The following GRIN2B variants were observed in gnomAD, a reference collection of about 807,000 sequenced individuals.
GRIN2B encodes the protein glutamate receptor ionotropic, NMDA 2B.
GRIN2B carries 5 observed loss-of-function variants against 114.5 expected under a neutral mutation model. That is an observed-to-expected ratio of 0.04 (90% CI 0.02 to 0.09). The LOEUF (loss-of-function observed/expected upper bound fraction) is 0.09, where lower values mean the gene tolerates loss of function less well. Among genes scored for constraint, GRIN2B ranks in the 10% least tolerant of loss-of-function variants. GRIN2B has a pLI of 1.00. For synonymous variants in GRIN2B, 787 were observed against 745.1 expected (o/e 1.06, Z -0.92); for missense variants, 1,108 against 1,943.5 (o/e 0.57, Z 8.08).
At chr12:13,698,802 G>A (rs1950284685) in intron 4 of GRIN2B, among the ~76,000 whole-genome samples, 1 of 151,930 alleles carries the variant, frequency 6.6e-6, no homozygotes, top group Non-Finnish European at 1.5e-5. Flanking sequence ...CCTGCCTCAG[G>A]CTCCTGAGCA....
At chr12:13,909,901 G>A in intron 2 of GRIN2B, among the ~76,000 whole-genome samples, 1 of 152,220 alleles carries the variant, frequency 6.6e-6, no homozygotes, top group South Asian at 2.1e-4. Flanking sequence ...CTAAAGACAG[G>A]TCATCAGAGA....
chr12:13,930,553 T>C (rs1004039692), intron 2 of GRIN2B, among the ~76,000 whole-genome samples: 5 of 152,324 alleles, frequency 3.3e-5, no homozygotes, highest in African/African-American at 9.6e-5. Flanking sequence ...TTCCCACCAT[T>C]AATCTGTGTT....
chr12:13,757,603 G>A (rs1271656030), intron 3 of GRIN2B, among the ~76,000 whole-genome samples: 1 of 152,188 alleles, frequency 6.6e-6, no homozygotes, highest in African/African-American at 2.4e-5. Flanking sequence ...GGTCCTTGGA[G>A]CAGTCTCCTC....
intron 3 of GRIN2B, among the ~76,000 whole-genome samples, chr12:13,779,865 A>G (rs1277733999): frequency 2.0e-5 from 3 of 152,230 alleles, no homozygotes; most frequent in Admixed American, 6.5e-5. Context: ...GGTAATAATG[A>G]TAGAACACAC....
chr12:13,687,506 T>C (rs1274277598), intron 4 of GRIN2B, among the ~76,000 whole-genome samples: 1 of 152,110 alleles, frequency 6.6e-6, no homozygotes, highest in Non-Finnish European at 1.5e-5. Context: ...CATGCCAAGG[T>C]CTCCAAAATC....
chr12:13,916,735 A>ACACACAAATGTGTGTG (rs59238170), intron 2 of GRIN2B, among the ~76,000 whole-genome samples: 79 of 101,928 alleles, frequency 7.8e-4, no homozygotes, highest in African/African-American at 2.4e-3. Context: ...ACACACACAC[A>ACACACAAATGTGTGTG]TTTGTGTGTG....
chr12:13,753,256 C>A lies in GRIN2B; in HGVS notation c.1010+61G>T. 9.9e-7 allele frequency: 1 copy of A among 1,008,704 alleles called. No homozygotes were observed. Among genetic ancestry groups the A allele is most frequent in the South Asian group, 1.3e-5 (1 of 79,034 alleles). 62.5% of individuals were successfully genotyped at this position (1,008,704 alleles called of 1,614,324 possible). A position where few individuals can be genotyped will look rare whatever the true frequency, so the allele number is the denominator to read the frequency against. On this transcript the variant is annotated intron_variant, in intron 4 of 13. Coordinates refer to ENST00000609686, the MANE Select transcript of GRIN2B (RefSeq NM_000834.5). This position sits in a 1 kb window ranked among gnomAD's most constrained non-coding sequence, Gnocchi z 6.2. The stretch of plus-strand genomic sequence containing the variant: ...TTCCTGCAGTTTCTGAACTTCCAAC[C>A]CCAGTCTTTGAAGCTCCCCTCTCAT...
At chr12:13,901,437 A>G (rs148955176) in intron 2 of GRIN2B, among the ~76,000 whole-genome samples, 2 of 152,250 alleles carry the variant, frequency 1.3e-5, no homozygotes, top group African/African-American at 4.8e-5. Context: ...TATTTTGGAT[A>G]TATATTTCTT....
intron 2 of GRIN2B, among the ~76,000 whole-genome samples, chr12:13,913,333 G>T (rs115964035): frequency 0.012 from 1,895 of 152,210 alleles, 43 homozygotes; most frequent in African/African-American, 0.044. Context: ...GACACTTGTG[G>T]AATGGCTGAC....
chr12:13,586,327 G>T (rs1948925048), intron 10 of GRIN2B, among the ~76,000 whole-genome samples: 1 of 152,122 alleles, frequency 6.6e-6, no homozygotes, highest in Non-Finnish European at 1.5e-5. Flanking sequence ...CTTTATATAA[G>T]CTTTCTTTGT....
At chr12:13,890,302 C>T (rs528680097) in intron 2 of GRIN2B, among the ~76,000 whole-genome samples, 4 of 152,308 alleles carry the variant, frequency 2.6e-5, no homozygotes, top group African/African-American at 9.6e-5. Flanking sequence ...GAAGTCTGCC[C>T]ACCTATCTAC....
intron 2 of GRIN2B, among the ~76,000 whole-genome samples, chr12:13,872,453 TCAA>T (rs1865926840): frequency 1.2e-5 from 1 of 83,252 alleles, no homozygotes; most frequent in African/African-American, 4.2e-5. Context: ...AGGCTCCGAC[TCAA>T]AAAAAAAAAA....
In GRIN2B at chr12:13,816,603, A is replaced by G. The variant is rs1018226961; in HGVS notation, c.411+49195T>C. 3.2e-4 allele frequency among the ~76,000 whole-genome samples: 49 copies of G among 152,232 alleles called. 1 individual carries two copies. Among genetic ancestry groups the G allele is most frequent in the African/African-American group, 1.0e-3 (43 of 41,538 alleles). Reference sequence around the variant, plus strand: ...CTGGTTTCCATAGCACTGCCATGGAAACAGCTCTCTGTGACTCTGTGCCTC... The same window carrying G: ...CTGGTTTCCATAGCACTGCCATGGAGACAGCTCTCTGTGACTCTGTGCCTC... On this transcript the variant is annotated intron_variant, in intron 3 of 13. Transcript: ENST00000609686.
intron 3 of GRIN2B, among the ~76,000 whole-genome samples, chr12:13,855,049 G>GGAAAAAAAAAAAA (rs57722937): frequency 2.3e-5 from 2 of 88,026 alleles, no homozygotes; most frequent in African/African-American, 9.7e-5. Flanking sequence ...CATCTCTACT[G>GGAAAAAAAAAAAA]AAAAAAAAAA....
At chr12:13,716,042 A>T (rs1240870077) in intron 4 of GRIN2B, among the ~76,000 whole-genome samples, 1 of 151,876 alleles carries the variant, frequency 6.6e-6, no homozygotes, top group Admixed American at 6.6e-5. Flanking sequence ...CAGCCACACA[A>T]TCCTTTCTGC....
intron 5 of GRIN2B, among the ~76,000 whole-genome samples, chr12:13,660,387 T>C (rs1949910289): frequency 6.6e-6 from 1 of 152,174 alleles, no homozygotes; most frequent in Non-Finnish European, 1.5e-5. Context: ...TATTTACCTT[T>C]ATATTTTCCT....
chr12:13,797,639 C>T (rs1864440056), intron 3 of GRIN2B, among the ~76,000 whole-genome samples: 1 of 152,178 alleles, frequency 6.6e-6, no homozygotes, highest in Admixed American at 6.6e-5. Flanking sequence ...CAACTGGTCT[C>T]CATTTCCTTA....
At chr12:13,697,480 T>C (rs1275662199) in intron 4 of GRIN2B, among the ~76,000 whole-genome samples, 1 of 152,164 alleles carries the variant, frequency 6.6e-6, no homozygotes, top group Admixed American at 6.5e-5. Flanking sequence ...TCCCCTGTTC[T>C]CTCTTATGTA....
At chr12:13,842,868 C>T (rs1028862197) in intron 3 of GRIN2B, among the ~76,000 whole-genome samples, 1 of 149,730 alleles carries the variant, frequency 6.7e-6, no homozygotes, top group African/African-American at 2.5e-5. Context: ...CCTTTTCCAA[C>T]TCCTTTTCTG....
Sources: gnomAD v4.1 joint callset for allele counts (sites outside exome capture counted in the v4.1 genomes callset) on GRCh38, gnomAD v4.1.1 for gene constraint, Gnocchi (gnomAD v3.1) non-coding constraint, MANE v1.5 for transcripts, NCBI Gene and HGNC (gene_info 2026-07-23, HGNC 2026-07-21) for gene names.